AUTS2: variants seen among roughly 807,000 people sequenced by gnomAD.
AUTS2 encodes the protein autism susceptibility gene 2 protein.
Under a neutral mutation model 112.4 loss-of-function variants are expected in AUTS2, and 17 were observed. The ratio of observed to expected loss-of-function variants is 0.15; its 90% CI spans 0.10 to 0.23. The LOEUF (loss-of-function observed/expected upper bound fraction) is 0.23. AUTS2 is among the 10% of genes least tolerant of loss of function. AUTS2 has a pLI of 1.00. For missense variants in AUTS2, 1,510 were observed against 1,701.6 expected (o/e 0.89, Z 1.98); for synonymous variants, 751 against 702.7 (o/e 1.07, Z -1.09).
At chr7:69,802,227 A>G (rs1338879317) in intron 1 of AUTS2, among the ~76,000 whole-genome samples, 1 of 152,134 alleles carries the variant, frequency 6.6e-6, no homozygotes, top group Non-Finnish European at 1.5e-5. Flanking sequence ...CTTCTTGCCA[A>G]CTTAGTTTTA....
At chr7:69,859,200 G>A (rs956261672) in intron 1 of AUTS2, among the ~76,000 whole-genome samples, 1 of 152,194 alleles carries the variant, frequency 6.6e-6, no homozygotes, top group Non-Finnish European at 1.5e-5. Flanking sequence ...TTACTCCAGT[G>A]GGATATCTCT....
intron 6 of AUTS2, among the ~76,000 whole-genome samples, chr7:70,723,736 A>G (rs1249282913): frequency 9.1e-6 from 1 of 110,008 alleles, no homozygotes; most frequent in Non-Finnish European, 2.0e-5. Flanking sequence ...AAACTTGTGT[A>G]TTTGGGTTTT....
At chr7:70,511,929 G>A (rs1259425448) in intron 5 of AUTS2, among the ~76,000 whole-genome samples, 2 of 152,066 alleles carry the variant, frequency 1.3e-5, no homozygotes, top group African/African-American at 4.8e-5. Context: ...AAGTGTCCTG[G>A]TTTGATTGAT....
chr7:70,536,572 CTTTTTTT>C (rs34639179), intron 5 of AUTS2, among the ~76,000 whole-genome samples: 5 of 49,048 alleles, frequency 1.0e-4, no homozygotes, highest in African/African-American at 4.4e-4. Context: ...GAAGCCAAGG[CTTTTTTT>C]TTTTTTTTTT....
At chr7:70,629,265 G>A (rs551951114) in intron 5 of AUTS2, among the ~76,000 whole-genome samples, 1 of 152,282 alleles carries the variant, frequency 6.6e-6, no homozygotes, top group South Asian at 2.1e-4. Context: ...GAGCTCAAGA[G>A]TTTGAGACCA....
At chr7:70,788,997 C>A (rs556503612) in intron 18 of AUTS2, among the ~76,000 whole-genome samples, 1 of 152,358 alleles carries the variant, frequency 6.6e-6, no homozygotes, top group African/African-American at 2.4e-5. Flanking sequence ...TCACTCACAG[C>A]TGCTCTCTAA....
intron 1 of AUTS2, among the ~76,000 whole-genome samples, chr7:69,608,944 T>C (rs759118619): frequency 2.6e-5 from 4 of 152,220 alleles, no homozygotes; most frequent in Non-Finnish European, 5.9e-5. Context: ...CTTTAGGAGG[T>C]ATCCTAAAGT....
chr7:70,509,321 A>G (rs1456942049), intron 5 of AUTS2, among the ~76,000 whole-genome samples: 1 of 152,188 alleles, frequency 6.6e-6, no homozygotes, highest in Non-Finnish European at 1.5e-5. Flanking sequence ...AATCACAGCC[A>G]TGGTGTATGG....
At chr7:70,033,385 G>T (rs1362668515) in intron 2 of AUTS2, among the ~76,000 whole-genome samples, 2 of 152,132 alleles carry the variant, frequency 1.3e-5, no homozygotes, top group Non-Finnish European at 2.9e-5. Context: ...TAGTCATGAT[G>T]TGTATACATG....
intron 1 of AUTS2, among the ~76,000 whole-genome samples, chr7:69,663,563 G>A (rs953549633): frequency 1.3e-5 from 2 of 152,200 alleles, no homozygotes; most frequent in Non-Finnish European, 2.9e-5. Context: ...TGGGAGCTGA[G>A]ATGAAGTCCC....
At position 70,046,372 on chromosome 7, in the gene AUTS2, T is replaced by C. The variant is rs549297159; in HGVS notation, c.523-71760T>C. ...CTTCTTCATATTAAATAAAACAAAG[T>C]GTATAAAGCACATGCTAGGATTCGC... On this transcript the variant is annotated intron_variant, in intron 2 of 18. Transcript: ENST00000342771. Among the ~76,000 whole-genome samples the C allele has an allele frequency of 2.6e-4, 40 of 152,312 alleles. No homozygotes were observed. The Middle Eastern group carries it at 0.02, about 78-fold the overall frequency.
intron 4 of AUTS2, among the ~76,000 whole-genome samples, chr7:70,424,561 T>C (rs1795351963): frequency 6.6e-6 from 1 of 152,080 alleles, no homozygotes; most frequent in African/African-American, 2.4e-5. Context: ...GTCAGGATTC[T>C]TGGTGTTTTT....
chr7:70,125,338 T>C (rs559093227), intron 3 of AUTS2, among the ~76,000 whole-genome samples: 2 of 152,124 alleles, frequency 1.3e-5, no homozygotes, highest in Admixed American at 6.5e-5. Context: ...CAACCTTTAG[T>C]CTAAAGATAA....
intron 4 of AUTS2, among the ~76,000 whole-genome samples, chr7:70,335,421 A>G (rs1790944458): frequency 6.6e-6 from 1 of 152,114 alleles, no homozygotes; most frequent in Non-Finnish European, 1.5e-5. Context: ...TCCCCGAAGT[A>G]GTGGGCCCTG....
chr7:70,126,736 T>C (rs1414363023), intron 3 of AUTS2, among the ~76,000 whole-genome samples: 1 of 152,244 alleles, frequency 6.6e-6, no homozygotes, highest in African/African-American at 2.4e-5. Flanking sequence ...GAAATGTTAA[T>C]GGGCATTTAT....
At chr7:70,315,137 C>T (rs1040309782) in intron 4 of AUTS2, among the ~76,000 whole-genome samples, 2 of 152,170 alleles carry the variant, frequency 1.3e-5, no homozygotes, top group Non-Finnish European at 1.5e-5. Flanking sequence ...CACCAGTGAC[C>T]GCATTCTGCC....
intron 4 of AUTS2, chr7:70,194,766 A>T (rs1316144087): frequency 6.6e-6 from 1 of 152,234 alleles, no homozygotes; most frequent in Non-Finnish European, 1.5e-5. Context: ...TGACTTATGG[A>T]ATCTGAAGCT....
intron 4 of AUTS2, among the ~76,000 whole-genome samples, chr7:70,434,821 C>T (rs538439981): frequency 1.3e-5 from 2 of 152,326 alleles, no homozygotes; most frequent in African/African-American, 4.8e-5. Context: ...TTAGCAGTTC[C>T]TTATCAAGGG....
intron 1 of AUTS2, among the ~76,000 whole-genome samples, chr7:69,668,381 A>G (rs1238991742): frequency 5.9e-5 from 9 of 152,226 alleles, no homozygotes; most frequent in Admixed American, 5.9e-4. Flanking sequence ...CCAGGTGTAT[A>G]TAAAAGTTAT....
Sources: allele counts gnomAD v4.1 joint callset (sites outside exome capture counted in the v4.1 genomes callset), GRCh38; gene constraint gnomAD v4.1.1; transcripts MANE v1.5; gene names NCBI Gene and HGNC (gene_info 2026-07-23, HGNC 2026-07-21).